The following TRAPPC9 variants were observed in gnomAD, a reference collection of about 807,000 sequenced individuals.
TRAPPC9 encodes the protein trafficking protein particle complex subunit 9.
Under a neutral mutation model 124.0 loss-of-function variants are expected in TRAPPC9, and 83 were observed. That is an observed-to-expected ratio of 0.67 (90% confidence interval 0.56 to 0.80). The LOEUF (loss-of-function observed/expected upper bound fraction) is 0.80, where lower values mean the gene tolerates loss of function less well. TRAPPC9 is among the 30% of genes least tolerant of loss of function. The pLI, the probability that TRAPPC9 is intolerant of heterozygous loss-of-function variation, is 0.00. For missense variants in TRAPPC9, 1,302 were observed against 1,508.3 expected (o/e 0.86, Z 2.27); for synonymous variants, 638 against 617.5 (o/e 1.03, Z -0.49).
chr8:140,456,186 G>T (rs1193937337), intron 1 of TRAPPC9, among the ~76,000 whole-genome samples: 3 of 152,156 alleles, frequency 2.0e-5, no homozygotes, highest in Non-Finnish European at 2.9e-5. Context: ...AAGGCGGGTG[G>T]ATCACGAGGT....
intron 17 of TRAPPC9, among the ~76,000 whole-genome samples, chr8:140,121,677 C>T (rs1208153926): frequency 6.6e-6 from 1 of 152,214 alleles, no homozygotes; most frequent in Non-Finnish European, 1.5e-5. Flanking sequence ...CATGTCTATC[C>T]TATTGTAAAC....
chr8:139,997,995 G>C (rs1326498323), intron 18 of TRAPPC9, among the ~76,000 whole-genome samples: 1 of 149,406 alleles, frequency 6.7e-6, no homozygotes, highest in East Asian at 2.0e-4. Context: ...TCCCACACAG[G>C]GGAGACAATG....
chr8:139,841,743 C>T (rs1826744664), intron 21 of TRAPPC9, among the ~76,000 whole-genome samples: 1 of 152,218 alleles, frequency 6.6e-6, no homozygotes, highest in Admixed American at 6.5e-5. Flanking sequence ...CATGCTGGGC[C>T]CTGCCCACTC....
intron 15 of TRAPPC9, among the ~76,000 whole-genome samples, chr8:140,267,525 A>G (rs770605798): frequency 1.3e-5 from 2 of 152,168 alleles, no homozygotes; most frequent in Non-Finnish European, 2.9e-5. Flanking sequence ...AGTGAAATAA[A>G]CAGACGACCA....
At chr8:139,981,989 C>T (rs1836932437) in intron 19 of TRAPPC9, among the ~76,000 whole-genome samples, 1 of 152,124 alleles carries the variant, frequency 6.6e-6, no homozygotes, top group South Asian at 2.1e-4. Context: ...CAGAGCCGGG[C>T]ATCTTAAAGC....
chr8:140,332,374 C>T (rs1475563264), intron 9 of TRAPPC9, among the ~76,000 whole-genome samples: 1 of 152,100 alleles, frequency 6.6e-6, no homozygotes, highest in Non-Finnish European at 1.5e-5. Flanking sequence ...TACAGCTAGA[C>T]AGAAAGAATA....
chr8:140,442,622 C>T (rs1158435117), intron 2 of TRAPPC9, among the ~76,000 whole-genome samples: 2 of 150,754 alleles, frequency 1.3e-5, no homozygotes, highest in Non-Finnish European at 3.0e-5. Flanking sequence ...GAAGAAAATG[C>T]TTAATATTTT....
chr8:140,215,200 C>T (rs2063161739), intron 17 of TRAPPC9, among the ~76,000 whole-genome samples: 2 of 152,152 alleles, frequency 1.3e-5, no homozygotes, highest in Non-Finnish European at 2.9e-5. Context: ...CTCAGGCAAA[C>T]CCAACTGCTC....
intron 17 of TRAPPC9, among the ~76,000 whole-genome samples, chr8:140,112,564 T>G (rs1390506811): frequency 1.3e-5 from 2 of 152,234 alleles, no homozygotes; most frequent in African/African-American, 4.8e-5. Flanking sequence ...GGCTGGACGC[T>G]GGAGATGCAT....
intron 15 of TRAPPC9, among the ~76,000 whole-genome samples, chr8:140,265,374 C>T (rs1250519239): frequency 6.6e-6 from 1 of 152,232 alleles, no homozygotes; most frequent in African/African-American, 2.4e-5. Context: ...ATGGGAACAG[C>T]TTATTCCCCT....
At chr8:140,120,228 A>C (rs907215710) in intron 17 of TRAPPC9, among the ~76,000 whole-genome samples, 1 of 152,176 alleles carries the variant, frequency 6.6e-6, no homozygotes, top group Non-Finnish European at 1.5e-5. Context: ...TTGAACTCCA[A>C]CAGAAAATAC....
intron 9 of TRAPPC9, among the ~76,000 whole-genome samples, chr8:140,356,985 A>C (rs943813872): frequency 6.6e-6 from 1 of 152,206 alleles, no homozygotes; most frequent in Admixed American, 6.5e-5. Context: ...GATGAAGGCA[A>C]GGGCTGTGAC....
intron 21 of TRAPPC9, among the ~76,000 whole-genome samples, chr8:139,774,161 C>T (rs973014168): frequency 2.0e-5 from 3 of 152,208 alleles, no homozygotes; most frequent in African/African-American, 4.8e-5. Flanking sequence ...GAAGCTCCCA[C>T]GCCTGCCCTG....
At chr8:139,752,256 ACCAT>A (rs1460877674) in intron 21 of TRAPPC9, among the ~76,000 whole-genome samples, 9 of 143,674 alleles carry the variant, frequency 6.3e-5, no homozygotes, top group Admixed American at 1.4e-4. Flanking sequence ...CCACCCATCT[ACCAT>A]CCATCCATCC....
chr8:140,111,150 G>A (rs1321633935), intron 17 of TRAPPC9, among the ~76,000 whole-genome samples: 1 of 150,776 alleles, frequency 6.6e-6, no homozygotes, highest in African/African-American at 2.4e-5. Context: ...CTCTGAGTGT[G>A]CTGCCTGTTT....
intron 17 of TRAPPC9, among the ~76,000 whole-genome samples, chr8:140,072,654 T>C (rs1009719032): frequency 6.6e-6 from 1 of 151,150 alleles, no homozygotes; most frequent in Non-Finnish European, 1.5e-5. Context: ...AAGCCACAGA[T>C]ATACACTAGG....
intron 21 of TRAPPC9, among the ~76,000 whole-genome samples, chr8:139,789,596 C>T (rs1822513112): frequency 6.6e-6 from 1 of 152,176 alleles, no homozygotes; most frequent in Admixed American, 6.5e-5. Flanking sequence ...TAACCTGGCA[C>T]CCAACCTGTG....
intron 11 of TRAPPC9, among the ~76,000 whole-genome samples, chr8:140,297,583 A>G (rs955898483): frequency 1.3e-5 from 2 of 152,218 alleles, no homozygotes; most frequent in African/African-American, 4.8e-5. Context: ...CTAACAGTGA[A>G]CAGCTAGAAC....
At chr8:140,249,017 CT>C (rs33992585) in intron 16 of TRAPPC9, among the ~76,000 whole-genome samples, 2 of 151,824 alleles carry the variant, frequency 1.3e-5, no homozygotes, top group East Asian at 1.9e-4. Flanking sequence ...CTAAAGCCAA[CT>C]TTTTTTTGTA....
Sources: allele counts gnomAD v4.1 joint callset (sites outside exome capture counted in the v4.1 genomes callset), GRCh38; gene constraint gnomAD v4.1.1; transcripts MANE v1.5; gene names NCBI Gene and HGNC (gene_info 2026-07-23, HGNC 2026-07-21).